The following KLKB1 variants were observed in gnomAD, a reference collection of about 807,000 sequenced individuals.
KLKB1 encodes the protein kallikrein B1, also known as plasma kallikrein.
KLKB1 carries 58 observed loss-of-function variants against 73.6 expected under a neutral mutation model. The ratio of observed to expected loss-of-function variants is 0.79; its 90% CI spans 0.64 to 0.98. KLKB1 has a LOEUF of 0.98. Ranked by LOEUF, KLKB1 falls within the 50% of genes least tolerant of loss-of-function variation. The pLI, the probability that KLKB1 is intolerant of heterozygous loss-of-function variation, is 0.00. For synonymous variants in KLKB1, 280 were observed against 258.1 expected, an observed-to-expected ratio of 1.08 and a Z score of -0.81; for missense variants, 737 against 763.8, an observed-to-expected ratio of 0.96 and a Z score of 0.41.
At chr4:186,243,813 AG>A (rs750428336) in intron 6 of KLKB1, among the ~76,000 whole-genome samples, 1 of 152,230 alleles carries the variant, frequency 6.6e-6, no homozygotes, top group Non-Finnish European at 1.5e-5. Flanking sequence ...AGCGGGGCAG[AG>A]CAGTAGCCTC....
At chr4:186,219,735 G>C (rs1474834703) in intron 2 of KLKB1, among the ~76,000 whole-genome samples, 2 of 152,176 alleles carry the variant, frequency 1.3e-5, no homozygotes, top group Non-Finnish European at 2.9e-5. Flanking sequence ...TTTTTACCTG[G>C]TGGAGTGACC....
chr4:186,254,618 T>A lies in KLKB1; in HGVS notation c.1344T>A (p.Tyr448Ter), dbSNP rs1248273268. ...GLPLQDVWRIYSGILNLSDIT... is the reference protein window; with the variant it reads ...GLPLQDVWRI ...CCCTGCAGGATGTTTGGCGCATCTA[T>A]AGTGGCATTTTAAATCTGTCAGACA... The change falls in exon 12 of 15, where the codon TAT (tyrosine) becomes TAA (stop). Residue 448 changes from tyrosine (Y) to a stop codon, truncating the protein, a stop_gained. Coordinates refer to ENST00000264690, the MANE Select transcript of KLKB1 (RefSeq NM_000892.5). LOFTEE classifies it high-confidence loss of function. 1.9e-6 allele frequency: 3 copies of A among 1,614,000 alleles called. No homozygotes were observed. Among genetic ancestry groups the A allele is most frequent in the Non-Finnish European group, 2.5e-6 (3 of 1,179,964 alleles).
intron 2 of KLKB1, among the ~76,000 whole-genome samples, chr4:186,219,925 T>C (rs546257404): frequency 6.6e-6 from 1 of 152,264 alleles, no homozygotes; most frequent in East Asian, 1.9e-4. Context: ...TAACTTCATC[T>C]TGATAGTCCA....
chr4:186,214,177 C>T (rs28579091), intron 2 of KLKB1, among the ~76,000 whole-genome samples: 10,485 of 152,212 alleles, frequency 0.069, 1,224 homozygotes, highest in African/African-American at 0.24. Context: ...ACCTCTGGAG[C>T]AGCTGCTGGG....
rs1354983366 is a variant in KLKB1, at chr4:186,251,201, T to TG, written c.759-18_759-17insG. 9 of 1,550,774 alleles carry TG rather than the reference T, an allele frequency of 5.8e-6. No individual in the cohort carries two copies. Among genetic ancestry groups the TG allele is most frequent in the Non-Finnish European group, 8.0e-6 (9 of 1,124,248 alleles). Reference sequence around the variant, plus strand: ...CAAATTTCTTTCTTTCTCTCTTGCTTTTTTTTAAAAAAAATAGAAATGTTT... The same window carrying TG: ...CAAATTTCTTTCTTTCTCTCTTGCTTGTTTTTTAAAAAAAATAGAAATGTTT... On this transcript the variant is annotated splice_polypyrimidine_tract_variant and intron_variant, in intron 7 of 14. Transcript: ENST00000264690.
chr4:186,214,893 T>C (rs927396838), intron 2 of KLKB1, among the ~76,000 whole-genome samples: 1 of 152,242 alleles, frequency 6.6e-6, no homozygotes, highest in Non-Finnish European at 1.5e-5. Context: ...TTGTTCTCTT[T>C]ATCCTAGTAG....
At chr4:186,220,361 A>T (rs960509939) in intron 2 of KLKB1, among the ~76,000 whole-genome samples, 1 of 152,194 alleles carries the variant, frequency 6.6e-6, no homozygotes, top group African/African-American at 2.4e-5. Flanking sequence ...CCACCGTTCT[A>T]TCAATACAGC....
chr4:186,220,881 G>T (rs142501053), intron 2 of KLKB1, among the ~76,000 whole-genome samples: 1 of 152,134 alleles, frequency 6.6e-6, no homozygotes, highest in Non-Finnish European at 1.5e-5. Context: ...AGTTTGAGAA[G>T]GATTGGTGTT....
At chr4:186,246,213 G>A (rs543880727) in intron 6 of KLKB1, among the ~76,000 whole-genome samples, 1 of 152,072 alleles carries the variant, frequency 6.6e-6, no homozygotes, top group Admixed American at 6.6e-5. Flanking sequence ...GGCTTGGCCT[G>A]GCAAGGAGCA....
chr4:186,252,268 GTGACTTTA>G (rs1386240059), intron 11 of KLKB1, 83 bp downstream of exon 11: 1 of 1,417,062 alleles, frequency 7.1e-7, no homozygotes. Flanking sequence ...TCACCGCCAT[GTGACTTTA>G]TGAATAGAGA....
At chr4:186,235,842 G>T (rs532099666) in intron 4 of KLKB1, among the ~76,000 whole-genome samples, 1 of 151,978 alleles carries the variant, frequency 6.6e-6, no homozygotes, top group African/African-American at 2.4e-5. Context: ...GAGGCCGGGC[G>T]CGGTGGCTCA....
At chr4:186,245,592 G>A in intron 6 of KLKB1, among the ~76,000 whole-genome samples, 1 of 152,174 alleles carries the variant, frequency 6.6e-6, no homozygotes, top group Non-Finnish European at 1.5e-5. Flanking sequence ...GATGGAGGAG[G>A]TCCTGTAGGA....
chr4:186,254,333 T>C (rs1168203850), intron 11 of KLKB1, among the ~76,000 whole-genome samples: 3 of 152,226 alleles, frequency 2.0e-5, no homozygotes, highest in Non-Finnish European at 4.4e-5. Context: ...ACAGCAACAT[T>C]CTTTTTGTTT....
At position 186,252,006 on chromosome 4, in the gene KLKB1, T is replaced by C. The variant is rs375991280; in HGVS notation, c.1145-11T>C. On this transcript the variant is annotated splice_polypyrimidine_tract_variant and intron_variant, in intron 10 of 14. Coordinates refer to ENST00000264690, the MANE Select transcript of KLKB1 (RefSeq NM_000892.5). ...TAATTCCAACCATTAGCGTCAACGC[T>C]CTCTTTTCAGTCTGCACAACAAAAA... 1.9e-6 allele frequency: 3 copies of C among 1,614,084 alleles called. No homozygotes were observed. The African/African-American group carries it at 4.0e-5, about 22-fold the overall frequency.
chr4:186,253,179 T>A (rs1417015460), intron 11 of KLKB1, among the ~76,000 whole-genome samples: 1 of 152,218 alleles, frequency 6.6e-6, no homozygotes, highest in Non-Finnish European at 1.5e-5. Flanking sequence ...AAATGTAAAC[T>A]GTGATTTCTA....
intron 2 of KLKB1, among the ~76,000 whole-genome samples, chr4:186,217,177 A>G (rs1736924978): frequency 6.6e-6 from 1 of 152,122 alleles, no homozygotes; most frequent in African/African-American, 2.4e-5. Context: ...CTCCAACTAA[A>G]CCTAGAAGCA....
rs1737797342 is a variant in KLKB1 at position 186,238,196 on chromosome 4, G to GCACTGCTC, written c.489-58_489-51dup. 8 of 1,038,346 alleles carry GCACTGCTC rather than the reference G, an allele frequency of 7.7e-6. No homozygotes were observed. In the South Asian group the frequency reaches 1.0e-4, roughly 13 times the overall value. 64.3% of individuals were successfully genotyped at this position (1,038,346 alleles called of 1,614,324 possible). ...TGCATTTTAATACTAACTGTTACCTGCACTGCTCCCTGCCCCTCAAAGTGC... is the reference window on the plus strand; with the variant it reads ...TGCATTTTAATACTAACTGTTACCTGCACTGCTCCACTGCTCCCTGCCCCTCAAAGTGC... On this transcript the variant is annotated intron_variant, in intron 5 of 14. Coordinates refer to ENST00000264690, the MANE Select transcript of KLKB1 (RefSeq NM_000892.5).
chr4:186,212,878 A>C (rs1736773555), intron 2 of KLKB1: 1 of 152,230 alleles, frequency 6.6e-6, no homozygotes. Context: ...TAAGTTGATG[A>C]AGAAAAAGTC....
chr4:186,251,840 T>C lies in KLKB1; in HGVS notation c.1123T>C (p.Cys375Arg), dbSNP rs765805024. 2 of 1,613,514 alleles carry C rather than the reference T, an allele frequency of 1.2e-6. No homozygotes were observed. The highest frequency in any genetic ancestry group is 1.7e-6 in the Non-Finnish European group (2 of 1,179,626). The change falls in exon 10 of 15, where the codon TGT becomes CGT. Residue 375 changes from cysteine to arginine, a missense_variant. By Grantham distance (180) the Cys-to-Arg change is radical. Coordinates refer to ENST00000264690, the MANE Select transcript of KLKB1 (RefSeq NM_000892.5). ...GAGCTCTGGTTACTCTTTGAGATTGTGTAACACTGGGGACAACTCTGGTGA... is the reference window on the plus strand; with the variant it reads ...GAGCTCTGGTTACTCTTTGAGATTGCGTAACACTGGGGACAACTCTGGTGA... ...QGSSGYSLRL[C>R]NTGDNSVCTT...
Sources: allele counts gnomAD v4.1 joint callset (sites outside exome capture counted in the v4.1 genomes callset), GRCh38; gene constraint gnomAD v4.1.1; transcripts MANE v1.5; gene names NCBI Gene and HGNC (gene_info 2026-07-23, HGNC 2026-07-21).